The following UNC79 variants were observed in gnomAD, a reference collection of about 807,000 sequenced individuals.
The protein encoded by UNC79 is protein unc-79 homolog.
In UNC79, 37 loss-of-function variants were observed where a neutral mutation model predicts 283.1. The observed-to-expected ratio is 0.13, with a 90% confidence interval of 0.10 to 0.17. The LOEUF (loss-of-function observed/expected upper bound fraction) is 0.17. Among genes scored for constraint, UNC79 ranks in the 10% least tolerant of loss-of-function variants. The probability of loss-of-function intolerance (pLI) is 1.00; values close to 1 mark genes in which losing one functional copy is unlikely to be tolerated. For missense variants in UNC79, 2,272 were observed against 3,211.1 expected (o/e 0.71, Z 7.07); for synonymous variants, 1,107 against 1,200.2 (o/e 0.92, Z 1.61).
chr14:93,632,568 C>T (rs187913788), intron 31 of UNC79, among the ~76,000 whole-genome samples: 107 of 151,850 alleles, frequency 7.0e-4, no homozygotes, highest in South Asian at 2.7e-3. Flanking sequence ...GGCGTGGTGG[C>T]GCGCACCATA....
intron 1 of UNC79, among the ~76,000 whole-genome samples, chr14:93,420,429 C>T (rs1429081479): frequency 6.6e-6 from 1 of 151,566 alleles, no homozygotes; most frequent in African/African-American, 2.4e-5. Flanking sequence ...TATATATGTA[C>T]TCAATAGGGG....
chr14:93,626,738 A>G lies in UNC79; in HGVS notation c.5608+3897A>G, dbSNP rs148444817. On this transcript the variant is annotated intron_variant, in intron 30 of 48. Coordinates refer to ENST00000555664, the Ensembl canonical transcript of UNC79. Reference sequence around the variant, plus strand: ...TGGTATCATTTTAAATTTTGGTATCATTTAATTTTTGGTATCATTTTTAAT... The same window carrying G: ...TGGTATCATTTTAAATTTTGGTATCGTTTAATTTTTGGTATCATTTTTAAT... Among the ~76,000 whole-genome samples the G allele has an allele frequency of 8.8e-3, 1,333 of 152,278 alleles. 12 individuals carry two copies. Among genetic ancestry groups the G allele is most frequent in the Non-Finnish European group, 0.011 (733 of 68,008 alleles).
At chr14:93,344,579 A>G (rs2053784073) in intron 1 of UNC79, among the ~76,000 whole-genome samples, 1 of 152,200 alleles carries the variant, frequency 6.6e-6, no homozygotes, top group African/African-American at 2.4e-5. Flanking sequence ...ATGGCTCCCA[A>G]GTTACAACAT....
Position 93,433,935 on chromosome 14 carries a change from C to T in UNC79, c.22+2884C>T, listed in dbSNP as rs990572948. On this transcript the variant is annotated intron_variant, in intron 1 of 48. Coordinates refer to ENST00000555664, the Ensembl canonical transcript of UNC79. ...TAGTGATGAAGGAGAAGCTAGTGGC[C>T]GGGCGCAGTGGCTCACGCCTGTAAT... 2.6e-5 allele frequency among the ~76,000 whole-genome samples: 4 copies of T among 152,128 alleles called. No individual in the cohort carries two copies. The East Asian group carries it at 5.8e-4, about 22-fold the overall frequency.
intron 26 of UNC79, among the ~76,000 whole-genome samples, chr14:93,604,531 C>A (rs1371284189): frequency 6.6e-6 from 1 of 152,030 alleles, no homozygotes. Flanking sequence ...GTGCTAGGCC[C>A]CAGGTGAAAC....
In UNC79 at chr14:93,677,502, A is replaced by C. The variant is rs1046619612; in HGVS notation, c.6741+4047A>C. On this transcript the variant is annotated intron_variant, in intron 41 of 48. Coordinates refer to ENST00000555664, the Ensembl canonical transcript of UNC79. ...GAGATTTATTCACTACCATGAGAAC[A>C]GTATGGGGGAAACCACCCTCACCAT... Among the ~76,000 whole-genome samples the C allele has an allele frequency of 5.3e-5, 8 of 152,232 alleles. No homozygotes were observed. The East Asian group carries it at 1.5e-3, about 29-fold the overall frequency.
intron 11 of UNC79, 116 bp from the exon 12 acceptor site, chr14:93,537,873 T>G (rs2061166457): frequency 1.1e-6 from 1 of 950,900 alleles, no homozygotes; most frequent in South Asian, 1.8e-5. Context: ...TGGAAACTAG[T>G]GGCCCTTGAA....
chr14:93,547,680 G>A (rs1050530821), intron 14 of UNC79, among the ~76,000 whole-genome samples: 1 of 152,068 alleles, frequency 6.6e-6, no homozygotes, highest in African/African-American at 2.4e-5. Flanking sequence ...AAATAGTCTA[G>A]GACATGATAA....
At chr14:93,586,508 C>CT in intron 20 of UNC79, 88 bp from the exon 21 acceptor site, 1 of 1,241,688 alleles carries the variant, frequency 8.1e-7, no homozygotes, top group South Asian at 1.4e-5. Context: ...ATTTTTTACT[C>CT]TTCTTGGTTT....
intron 1 of UNC79, among the ~76,000 whole-genome samples, chr14:93,419,830 A>G (rs1408843217): frequency 6.6e-6 from 1 of 151,686 alleles, no homozygotes; most frequent in Non-Finnish European, 1.5e-5. Flanking sequence ...TTAGGAGGCC[A>G]AGGTAAGACG....
intron 1 of UNC79, among the ~76,000 whole-genome samples, chr14:93,465,065 T>G (rs2140242955): frequency 6.6e-6 from 1 of 152,312 alleles, no homozygotes; most frequent in South Asian, 2.1e-4. Context: ...AAAATGGTCT[T>G]TCATGATTAC....
At chr14:93,386,673 C>T (rs2054780525) in intron 1 of UNC79, among the ~76,000 whole-genome samples, 1 of 152,160 alleles carries the variant, frequency 6.6e-6, no homozygotes, top group East Asian at 1.9e-4. Context: ...TTTTGAATTT[C>T]TTCGTGGTTC....
chr14:93,650,068 A>G (rs565257239), intron 35 of UNC79, among the ~76,000 whole-genome samples: 13 of 152,278 alleles, frequency 8.5e-5, no homozygotes, highest in African/African-American at 3.1e-4. Context: ...ATGGAATCCT[A>G]CTGTATGCAC....
intron 1 of UNC79, among the ~76,000 whole-genome samples, chr14:93,445,772 A>G (rs1429017315): frequency 1.3e-5 from 2 of 152,134 alleles, no homozygotes; most frequent in Non-Finnish European, 2.9e-5. Context: ...CAAATTTTAA[A>G]TTCAGTTTCT....
At chr14:93,578,231 A>G (rs143455862) in intron 18 of UNC79, among the ~76,000 whole-genome samples, 168 bp downstream of exon 18, 153 of 152,300 alleles carry the variant, frequency 1.0e-3, no homozygotes, top group African/African-American at 3.5e-3. Context: ...TCTGAAAACT[A>G]CTTATGTGAA....
chr14:93,357,675 CCA>C (rs1491147901), intron 1 of UNC79, among the ~76,000 whole-genome samples: 7 of 37,390 alleles, frequency 1.9e-4, no homozygotes, highest in East Asian at 9.0e-4. Context: ...TAATAAACTC[CCA>C]TATATATATA....
At chr14:93,406,666 TA>T (rs1007249293) in intron 1 of UNC79, among the ~76,000 whole-genome samples, 8 of 152,178 alleles carry the variant, frequency 5.3e-5, no homozygotes, top group Non-Finnish European at 8.8e-5. Context: ...ATGATCATCC[TA>T]AAAGATGATT....
intron 7 of UNC79, among the ~76,000 whole-genome samples, chr14:93,502,222 G>A (rs1446715697): frequency 6.6e-6 from 1 of 152,032 alleles, no homozygotes; most frequent in Admixed American, 6.6e-5. Flanking sequence ...GACCATCCTG[G>A]CTAACATGGT....
chr14:93,430,927 G>A lies in UNC79; in HGVS notation c.-103G>A. The A allele has an allele frequency of 2.2e-6, 1 of 449,980 alleles. No individual in the cohort carries two copies. Among genetic ancestry groups the A allele is most frequent in the South Asian group, 1.6e-5 (1 of 61,058 alleles). 27.9% of individuals were successfully genotyped at this position (449,980 alleles called of 1,614,324 possible). On this transcript the variant is annotated 5_prime_UTR_variant, in exon 1 of 49. Coordinates refer to ENST00000555664, the Ensembl canonical transcript of UNC79. The surrounding 1 kb of genome is among the most constrained non-coding windows in gnomAD (Gnocchi z 4.6). ...AGGGAGGGGGAAAGCGAGGGGGTGG[G>A]GGGTGGGGGGTATGCACTCTTTTCC...
Sources: allele counts gnomAD v4.1 joint callset (sites outside exome capture counted in the v4.1 genomes callset), GRCh38; gene constraint gnomAD v4.1.1; non-coding constraint Gnocchi (gnomAD v3.1); transcripts MANE v1.5; gene names NCBI Gene and HGNC (gene_info 2026-07-23, HGNC 2026-07-21).